Variants in RNF220 observed in about 807,000 individuals in gnomAD.
RNF220 encodes ring finger protein 220.
RNF220 carries 7 observed loss-of-function variants against 67.1 expected under a neutral mutation model. The observed-to-expected ratio is 0.10, with a 90% confidence interval of 0.06 to 0.20. RNF220 has a LOEUF of 0.20. Ranked by LOEUF, RNF220 falls within the 10% of genes least tolerant of loss-of-function variation. RNF220 has a pLI of 1.00. For missense variants in RNF220, 565 were observed against 740.3 expected (o/e 0.76, Z 2.75); for synonymous variants, 270 against 283.2 (o/e 0.95, Z 0.47).
At chr1:44,425,106 C>T (rs1195539073) in intron 2 of RNF220, among the ~76,000 whole-genome samples, 1 of 152,174 alleles carries the variant, frequency 6.6e-6, no homozygotes, top group East Asian at 1.9e-4. Context: ...TTTAACCCTT[C>T]CAGGGGGCAG....
chr1:44,425,826 C>G (rs1332535039), intron 2 of RNF220, among the ~76,000 whole-genome samples: 1 of 152,184 alleles, frequency 6.6e-6, no homozygotes, highest in Non-Finnish European at 1.5e-5. Flanking sequence ...CTATCTACGT[C>G]TGTCTCAAGA....
chr1:44,639,293 A>G (rs1573163031), intron 8 of RNF220, among the ~76,000 whole-genome samples: 1 of 152,306 alleles, frequency 6.6e-6, no homozygotes, highest in East Asian at 1.9e-4. Flanking sequence ...GAAGAGACCT[A>G]TAGTGGTGAA....
intron 2 of RNF220, among the ~76,000 whole-genome samples, chr1:44,497,366 G>C (rs951788194): frequency 7.8e-6 from 1 of 127,842 alleles, no homozygotes; most frequent in African/African-American, 2.8e-5. Context: ...CACACACACA[G>C]AGTATTGCAT....
intron 7 of RNF220, chr1:44,635,812 T>C: frequency 7.7e-7 from 1 of 1,299,650 alleles, no homozygotes; most frequent in Non-Finnish European, 1.0e-6. Flanking sequence ...CTCCTTTTGC[T>C]TTCACTCTCA....
intron 2 of RNF220, among the ~76,000 whole-genome samples, chr1:44,531,977 C>G (rs1003180971): frequency 2.6e-5 from 4 of 152,170 alleles, no homozygotes; most frequent in African/African-American, 7.2e-5. Flanking sequence ...TTTCTGCCCC[C>G]CTTTTTTCTA....
Position 44,649,992 on chromosome 1 carries a change from G to A in RNF220, c.1629+35G>A, listed in dbSNP as rs550502587. 5.1e-5 allele frequency: 82 copies of A among 1,601,040 alleles called. No individual in the cohort carries two copies. The highest frequency in any genetic ancestry group is 8.4e-5 in the Admixed American group (5 of 59,792). On this transcript the variant is annotated intron_variant, in intron 14 of 14. Transcript: ENST00000361799. The surrounding 1 kb of genome is among the most constrained non-coding windows in gnomAD (Gnocchi z 5.9). ...CATGGGGGTCGGGGAATGGGAGGCC[G>A]CTCCGGGCACTGCCCAGATGTCTGT...
At chr1:44,529,576 A>C (rs1383135319) in intron 2 of RNF220, among the ~76,000 whole-genome samples, 1 of 152,112 alleles carries the variant, frequency 6.6e-6, no homozygotes, top group Non-Finnish European at 1.5e-5. Context: ...GAGTCTCACT[A>C]TGTTGTCCAG....
At chr1:44,644,414 G>A (rs1193117695) in intron 8 of RNF220, 4 of 358,218 alleles carry the variant, frequency 1.1e-5, no homozygotes, top group Non-Finnish European at 2.1e-5. Flanking sequence ...GCAGGCCTGG[G>A]CTGAGTGTCC....
chr1:44,478,420 C>CA lies in RNF220; in HGVS notation c.625+65708dup, dbSNP rs34851939. 2.0e-3 allele frequency among the ~76,000 whole-genome samples: 302 copies of CA among 148,492 alleles called. 3 individuals are homozygous for CA. Among genetic ancestry groups the CA allele is most frequent in the South Asian group, 0.016 (74 of 4,772 alleles). On this transcript the variant is annotated intron_variant, in intron 2 of 14. Transcript: ENST00000361799. ...GATAGCAGCAATAAATTATTCCATT[C>CA]AAAAAAAAAAGGGAAGAACTGCCAG...
intron 1 of RNF220, among the ~76,000 whole-genome samples, chr1:44,407,848 C>T (rs1647541356): frequency 6.6e-6 from 1 of 152,092 alleles, no homozygotes; most frequent in Admixed American, 6.5e-5. Context: ...GGGTGACCCC[C>T]GGGGCGGGGC....
rs1391358786 is a variant in RNF220, at chr1:44,588,651, C to T, written c.626-25514C>T. 3.3e-5 allele frequency among the ~76,000 whole-genome samples: 5 copies of T among 152,290 alleles called. No individual in the cohort carries two copies. The East Asian group carries it at 7.7e-4, about 23-fold the overall frequency. ...CCCCTGGTTGGTGCTGGTAGCTGGG[C>T]CCATTAAGAGCACAGTATTGATTGA... On this transcript the variant is annotated intron_variant, in intron 2 of 14. Transcript: ENST00000361799.
chr1:44,482,340 G>A (rs147476492), intron 2 of RNF220, among the ~76,000 whole-genome samples: 5 of 152,292 alleles, frequency 3.3e-5, no homozygotes, highest in South Asian at 4.1e-4. Flanking sequence ...CTTCTCAGGG[G>A]AGCAGGAGGG....
At chr1:44,607,641 C>G (rs917583486) in intron 2 of RNF220, among the ~76,000 whole-genome samples, 2 of 152,098 alleles carry the variant, frequency 1.3e-5, no homozygotes, top group Non-Finnish European at 1.5e-5. Flanking sequence ...GCGCCCGCCA[C>G]CACGCCCAGC....
Position 44,651,195 on chromosome 1 carries a change from G to A in RNF220, c.*420G>A, listed in dbSNP as rs1418088914. On this transcript the variant is annotated 3_prime_UTR_variant, in exon 15 of 15. Coordinates refer to ENST00000361799, the MANE Select transcript of RNF220 (RefSeq NM_018150.4). ...TTGTGTATAAATGGGACAACTCCTCGCCCTCTACCTGTCCCCTCCCCCTTT... is the reference window on the plus strand; with the variant it reads ...TTGTGTATAAATGGGACAACTCCTCACCCTCTACCTGTCCCCTCCCCCTTT... 1.0e-5 allele frequency: 2 copies of A among 198,438 alleles called. No homozygotes were observed. Among genetic ancestry groups the A allele is most frequent in the East Asian group, 1.2e-4 (1 of 8,598 alleles). 12.3% of individuals were successfully genotyped at this position (198,438 alleles called of 1,614,324 possible).
chr1:44,644,720 C>T lies in RNF220; in HGVS notation c.1149C>T (p.Ser383=), dbSNP rs778362041. The T allele has an allele frequency of 2.5e-5, 40 of 1,613,856 alleles. No homozygotes were observed. Among genetic ancestry groups the T allele is most frequent in the Middle Eastern group, 3.3e-4 (2 of 6,084 alleles). ...CAGGCTCTGGCTTCATCATGTGCAG[C>T]GGCAAAGAGAACCCGGACAGTGATG... ...GFRGSGFIMC[S]GKENPDSDAD... Residue 383 remains serine, a synonymous_variant, in exon 9 of 15, where the codon AGC becomes AGT. Transcript: ENST00000361799.
chr1:44,530,158 C>A (rs1311669848), intron 2 of RNF220, among the ~76,000 whole-genome samples: 1 of 152,054 alleles, frequency 6.6e-6, no homozygotes, highest in African/African-American at 2.4e-5. Context: ...ATGAGTATAG[C>A]ATTTATGATC....
intron 2 of RNF220, among the ~76,000 whole-genome samples, chr1:44,452,659 C>T (rs1557939895): frequency 6.6e-6 from 1 of 152,014 alleles, no homozygotes; most frequent in Non-Finnish European, 1.5e-5. Flanking sequence ...TTAGTAGAGA[C>T]GGAGTTTCAC....
chr1:44,606,712 C>A lies in RNF220; in HGVS notation c.626-7453C>A, dbSNP rs1667295838. On this transcript the variant is annotated intron_variant, in intron 2 of 14. Transcript: ENST00000361799. This position sits in a 1 kb window ranked among gnomAD's most constrained non-coding sequence, Gnocchi z 4.2. ...TTCCAGACACTCTTCCTAGTGTATT[C>A]TCTCTCCCTAGGTGATCTTGCCTAC... is the stretch of plus-strand genomic sequence containing the variant. 6.6e-6 allele frequency among the ~76,000 whole-genome samples: 1 copy of A among 152,168 alleles called. No individual in the cohort carries two copies. Among genetic ancestry groups the A allele is most frequent in the Non-Finnish European group, 1.5e-5 (1 of 68,022 alleles).
rs754897183 is a variant in RNF220, at chr1:44,650,818, GC to G, written c.*48del. On this transcript the variant is annotated 3_prime_UTR_variant, in exon 15 of 15. Transcript: ENST00000361799. The surrounding 1 kb of genome is among the most constrained non-coding windows in gnomAD (Gnocchi z 4.3). ...GGCCTCGCCTCCAGCAGCCCCACCT[GC>G]CCCCAGCCTCTGTGACAGTGACCGT... 1.9e-6 allele frequency: 3 copies of G among 1,571,956 alleles called. No homozygotes were observed. The highest frequency in any genetic ancestry group is 1.7e-6 in the Non-Finnish European group (2 of 1,145,272).
Sources: allele counts gnomAD v4.1 joint callset (sites outside exome capture counted in the v4.1 genomes callset), GRCh38; gene constraint gnomAD v4.1.1; non-coding constraint Gnocchi (gnomAD v3.1); transcripts MANE v1.5; gene names NCBI Gene and HGNC (gene_info 2026-07-23, HGNC 2026-07-21).